The following SGCZ variants were observed in gnomAD, a reference collection of about 807,000 sequenced individuals.
SGCZ encodes the protein zeta-sarcoglycan.
A neutral mutation model predicts 41.3 loss-of-function variants in SGCZ; 40 were observed. The observed-to-expected ratio is 0.97, with a 90% CI of 0.75 to 1.26. The LOEUF (loss-of-function observed/expected upper bound fraction) is 1.26, where lower values mean the gene tolerates loss of function less well. Ranked by LOEUF, SGCZ falls within the 50% of genes most tolerant of loss-of-function variation. The pLI is 0.00. For missense variants in SGCZ, 552 were observed against 369.8 expected, an observed-to-expected ratio of 1.49 and a Z score of -4.04; for synonymous variants, 206 against 137.5, an observed-to-expected ratio of 1.50 and a Z score of -3.49.
chr8:14,191,596 A>C (rs540503016), intron 4 of SGCZ, among the ~76,000 whole-genome samples: 1 of 152,178 alleles, frequency 6.6e-6, no homozygotes, highest in Non-Finnish European at 1.5e-5. Flanking sequence ...CTCACTGTGT[A>C]AAACTCAAAC....
chr8:14,459,391 C>A (rs1800838078), intron 2 of SGCZ, among the ~76,000 whole-genome samples: 1 of 151,626 alleles, frequency 6.6e-6, no homozygotes, highest in South Asian at 2.1e-4. Flanking sequence ...ACATTGTGCA[C>A]ATGTACCCTA....
intron 5 of SGCZ, among the ~76,000 whole-genome samples, chr8:14,163,091 T>C (rs918984459): frequency 6.6e-6 from 1 of 152,260 alleles, no homozygotes; most frequent in East Asian, 1.9e-4. Context: ...AGGCTGGACT[T>C]GAACCAAGCG....
At chr8:14,231,273 G>A (rs929920150) in intron 4 of SGCZ, among the ~76,000 whole-genome samples, 1 of 151,634 alleles carries the variant, frequency 6.6e-6, no homozygotes, top group Non-Finnish European at 1.5e-5. Context: ...GAGAGACAGA[G>A]ACAGAGAGAG....
At chr8:14,845,762 G>T (rs540837421) in intron 1 of SGCZ, among the ~76,000 whole-genome samples, 1 of 152,036 alleles carries the variant, frequency 6.6e-6, no homozygotes, top group Non-Finnish European at 1.5e-5. Flanking sequence ...ACTTACAGGT[G>T]CAGTAATAAA....
chr8:14,923,053 G>A (rs1439914648), intron 1 of SGCZ, among the ~76,000 whole-genome samples: 1 of 152,078 alleles, frequency 6.6e-6, no homozygotes. Context: ...TTTTTTAAAG[G>A]GCAATTACAT....
chr8:14,126,643 C>T (rs767060824), intron 5 of SGCZ, among the ~76,000 whole-genome samples: 3 of 152,100 alleles, frequency 2.0e-5, no homozygotes, highest in Non-Finnish European at 4.4e-5. Context: ...GGGTATATAT[C>T]CAAAGGAATA....
intron 1 of SGCZ, among the ~76,000 whole-genome samples, chr8:15,028,507 G>A (rs1563450144): frequency 1.4e-5 from 2 of 145,006 alleles, no homozygotes; most frequent in African/African-American, 2.6e-5. Context: ...GAACACTATC[G>A]TCTTTCTAAG....
chr8:14,402,067 TA>T (rs1452305781), intron 2 of SGCZ, among the ~76,000 whole-genome samples: 3 of 152,220 alleles, frequency 2.0e-5, no homozygotes, highest in Non-Finnish European at 4.4e-5. Flanking sequence ...CATGTGTTTT[TA>T]GGCTGCATAA....
At chr8:14,909,428 G>T (rs552750262) in intron 1 of SGCZ, among the ~76,000 whole-genome samples, 50 of 151,892 alleles carry the variant, frequency 3.3e-4, no homozygotes, top group African/African-American at 1.2e-3. Flanking sequence ...TTACTGAATA[G>T]AATTCTGCCT....
intron 1 of SGCZ, among the ~76,000 whole-genome samples, chr8:14,664,657 A>C (rs1372449559): frequency 6.6e-6 from 1 of 152,182 alleles, no homozygotes; most frequent in Non-Finnish European, 1.5e-5. Flanking sequence ...GACTTATTTC[A>C]GTACATTTTA....
intron 1 of SGCZ, among the ~76,000 whole-genome samples, chr8:14,605,767 T>G (rs1460940198): frequency 6.6e-6 from 1 of 152,162 alleles, no homozygotes; most frequent in Non-Finnish European, 1.5e-5. Context: ...ATGTGATCAT[T>G]TTGAGAAAAA....
chr8:14,238,109 G>C (rs17118855), intron 3 of SGCZ, among the ~76,000 whole-genome samples: 1,773 of 152,322 alleles, frequency 0.012, 39 homozygotes, highest in African/African-American at 0.041. Context: ...CATCTAATCA[G>C]TGTAACTACA....
intron 1 of SGCZ, among the ~76,000 whole-genome samples, chr8:14,996,086 G>A (rs895114907): frequency 6.6e-6 from 1 of 152,048 alleles, no homozygotes; most frequent in Admixed American, 6.5e-5. Context: ...TGTGTTTTTA[G>A]TAGAGACGGG....
At chr8:14,679,127 C>A (rs374306667) in intron 1 of SGCZ, among the ~76,000 whole-genome samples, 18 of 152,204 alleles carry the variant, frequency 1.2e-4, no homozygotes, top group African/African-American at 4.3e-4. Context: ...ATAAACCGAC[C>A]TACTGCACTG....
At chr8:14,806,533 G>A (rs1199188971) in intron 1 of SGCZ, among the ~76,000 whole-genome samples, 11 of 152,098 alleles carry the variant, frequency 7.2e-5, no homozygotes, top group Non-Finnish European at 1.0e-4. Flanking sequence ...TAAACCAGGA[G>A]GAAGTTGAAT....
At chr8:14,565,644 TG>T (rs1394958930) in intron 1 of SGCZ, among the ~76,000 whole-genome samples, 1 of 152,012 alleles carries the variant, frequency 6.6e-6, no homozygotes, top group Admixed American at 6.6e-5. Context: ...AGAGCTTAAC[TG>T]GGCAAGCAGA....
rs771235086 is a variant in SGCZ at position 14,111,996 on chromosome 8, T to C, written c.548-3761A>G. Among the ~76,000 whole-genome samples the C allele has an allele frequency of 3.3e-5, 5 of 152,312 alleles. No individual in the cohort carries two copies. The East Asian group carries it at 9.6e-4, about 29-fold the overall frequency. On this transcript the variant is annotated intron_variant, in intron 5 of 7. Coordinates refer to ENST00000382080, the MANE Select transcript of SGCZ (RefSeq NM_139167.4). The stretch of plus-strand genomic sequence containing the variant: ...AATGCTATCTATACTATAAATGTTA[T>C]ATCCTACGCTACTCATTATTCACCG...
At chr8:14,865,699 A>G (rs973706936) in intron 1 of SGCZ, among the ~76,000 whole-genome samples, 1 of 152,184 alleles carries the variant, frequency 6.6e-6, no homozygotes, top group Non-Finnish European at 1.5e-5. Flanking sequence ...TAATCTAAGA[A>G]GTTAAAAACG....
chr8:14,466,325 G>A (rs976367742), intron 2 of SGCZ, among the ~76,000 whole-genome samples: 29 of 151,972 alleles, frequency 1.9e-4, no homozygotes, highest in Non-Finnish European at 4.4e-5. Context: ...AGTTTCTGAA[G>A]AGAAATCTTC....
Sources: allele counts gnomAD v4.1 joint callset (sites outside exome capture counted in the v4.1 genomes callset), GRCh38; gene constraint gnomAD v4.1.1; transcripts MANE v1.5; gene names NCBI Gene and HGNC (gene_info 2026-07-23, HGNC 2026-07-21).